The following ZFPM2 variants were observed in gnomAD, a reference collection of about 807,000 sequenced individuals.
The protein encoded by ZFPM2 is zinc finger protein ZFPM2.
In ZFPM2, 20 loss-of-function variants were observed where a neutral mutation model predicts 98.6. The observed-to-expected ratio is 0.20, with a 90% CI of 0.14 to 0.29. The LOEUF is 0.29. Ranked by LOEUF, ZFPM2 falls within the 10% of genes least tolerant of loss-of-function variation. The pLI is 1.00. For synonymous variants in ZFPM2, 518 were observed against 502.7 expected (o/e 1.03, Z -0.41); for missense variants, 1,310 against 1,388.6 (o/e 0.94, Z 0.90).
intron 1 of ZFPM2, among the ~76,000 whole-genome samples, chr8:105,339,261 T>C (rs1387143446): frequency 6.6e-6 from 1 of 151,876 alleles, no homozygotes; most frequent in Non-Finnish European, 1.5e-5. Context: ...TGGCATCTTA[T>C]TCTGTTGTTC....
intron 5 of ZFPM2, among the ~76,000 whole-genome samples, chr8:105,733,351 TA>T (rs1045271989): frequency 5.3e-5 from 8 of 151,756 alleles, no homozygotes; most frequent in African/African-American, 1.7e-4. Context: ...GGCTATCCTT[TA>T]AAAAAAATTA....
At chr8:105,496,527 A>T (rs866839641) in intron 3 of ZFPM2, among the ~76,000 whole-genome samples, 6 of 152,260 alleles carry the variant, frequency 3.9e-5, no homozygotes, top group Middle Eastern at 3.4e-3. Flanking sequence ...TTCCCAGTGC[A>T]TCATGTCAGG....
At chr8:105,466,745 A>C (rs1812802848) in intron 3 of ZFPM2, among the ~76,000 whole-genome samples, 1 of 152,060 alleles carries the variant, frequency 6.6e-6, no homozygotes, top group African/African-American at 2.4e-5. Flanking sequence ...AGTAAATACC[A>C]GGTGAAATGA....
intron 5 of ZFPM2, among the ~76,000 whole-genome samples, chr8:105,758,619 T>C (rs1204949723): frequency 3.9e-5 from 6 of 152,142 alleles, no homozygotes; most frequent in Admixed American, 3.3e-4. Flanking sequence ...AGAAAACTTA[T>C]TGCTTCATTT....
rs200168135 is a variant in ZFPM2, at chr8:105,634,261, G to C, written c.436G>C (p.Val146Leu). Residue 146 changes from valine (V) to leucine (L), a missense_variant, in exon 5 of 8, where the codon GTC becomes CTC. Coordinates refer to ENST00000407775, the MANE Select transcript of ZFPM2 (RefSeq NM_012082.4). ...CTTTCTACAGAAGACAAAGGCTCAG[G>C]TCCCAATGGTGCTGACTGCTGGTCC... ...NNNSLKTKAQVPMVLTAGPKW... is the reference protein window; with the variant it reads ...NNNSLKTKAQLPMVLTAGPKW... 9.0e-5 allele frequency: 145 copies of C among 1,612,450 alleles called. No homozygotes were observed. The African/African-American group carries it at 1.7e-3, about 19-fold the overall frequency.
intron 5 of ZFPM2, among the ~76,000 whole-genome samples, chr8:105,716,161 A>G (rs1441320706): frequency 6.7e-6 from 1 of 150,158 alleles, no homozygotes; most frequent in Non-Finnish European, 1.5e-5. Flanking sequence ...TACATATAAA[A>G]CATTTATATA....
chr8:105,511,581 C>G (rs1313828276), intron 3 of ZFPM2, among the ~76,000 whole-genome samples: 1 of 152,174 alleles, frequency 6.6e-6, no homozygotes, highest in Admixed American at 6.5e-5. Context: ...TAGACACTTT[C>G]TGAACTCATC....
At chr8:105,595,057 TACAG>T (rs1209284332) in intron 4 of ZFPM2, among the ~76,000 whole-genome samples, 3 of 152,138 alleles carry the variant, frequency 2.0e-5, no homozygotes, top group Non-Finnish European at 2.9e-5. Flanking sequence ...TGGGGGAGTT[TACAG>T]ACTCTGTGGG....
At position 105,662,184 on chromosome 8, in the gene ZFPM2, C is replaced by G. The variant is rs375106659; in HGVS notation, c.532+27827C>G. Among the ~76,000 whole-genome samples, 9 of 152,154 alleles carry G rather than the reference C, an allele frequency of 5.9e-5. 1 individual carries two copies. The highest frequency in any genetic ancestry group is 2.2e-4 in the African/African-American group (9 of 41,500). On this transcript the variant is annotated intron_variant, in intron 5 of 7. Transcript: ENST00000407775. ...GGAGGAACTGAGACTGACACATACA[C>G]CCACTGATGCAGGAGGAAGGAATCC...
rs78439913 is a variant in ZFPM2 at position 105,320,237 on chromosome 8, C to T, written c.40+1256C>T. ...GGGCCAGGTTATAAACAGTTATCAA[C>T]AGTTAAGTATTCAGATCTTTGTGTG... is the stretch of plus-strand genomic sequence containing the variant. On this transcript the variant is annotated intron_variant, in intron 1 of 7. Coordinates refer to ENST00000407775, the MANE Select transcript of ZFPM2 (RefSeq NM_012082.4). 2.9e-4 allele frequency among the ~76,000 whole-genome samples: 43 copies of T among 149,152 alleles called. No individual in the cohort carries two copies. In the East Asian group the frequency reaches 7.4e-3, roughly 26 times the overall value.
intron 4 of ZFPM2, chr8:105,616,745 C>T (rs533555454): frequency 5.0e-5 from 16 of 317,170 alleles, no homozygotes; most frequent in South Asian, 3.0e-4. Flanking sequence ...AGTTTGGGTG[C>T]GGTGACTCAT....
At chr8:105,412,325 C>T (rs986493361) in intron 1 of ZFPM2, among the ~76,000 whole-genome samples, 1 of 151,678 alleles carries the variant, frequency 6.6e-6, no homozygotes, top group Non-Finnish European at 1.5e-5. Context: ...TCACAGATCT[C>T]GTTTTTAATA....
chr8:105,647,372 C>T (rs1817068310), intron 5 of ZFPM2, among the ~76,000 whole-genome samples: 1 of 151,900 alleles, frequency 6.6e-6, no homozygotes, highest in African/African-American at 2.4e-5. Flanking sequence ...GCCCCCTTTG[C>T]TCTTTTTTTT....
chr8:105,494,524 A>G (rs1020476158), intron 3 of ZFPM2, among the ~76,000 whole-genome samples: 5 of 151,828 alleles, frequency 3.3e-5, no homozygotes, highest in African/African-American at 1.2e-4. Flanking sequence ...CTTCCTTTCC[A>G]TATGCTCTCT....
chr8:105,650,895 A>G (rs1817157535), intron 5 of ZFPM2, among the ~76,000 whole-genome samples: 1 of 152,238 alleles, frequency 6.6e-6, no homozygotes, highest in Non-Finnish European at 1.5e-5. Flanking sequence ...CGCTTGGTGC[A>G]GAGCTGAGTT....
Position 105,574,781 on chromosome 8 carries a change from T to C in ZFPM2, c.420+13300T>C, listed in dbSNP as rs1815428684. Among the ~76,000 whole-genome samples the C allele has an allele frequency of 2.0e-5, 3 of 150,628 alleles. No homozygotes were observed. The South Asian group carries it at 6.4e-4, about 32-fold the overall frequency. ...GCAGTAAGAGTCCCTCAGGTTCTGA[T>C]CCTAATCTCGGATGCGGCATTACCA... On this transcript the variant is annotated intron_variant, in intron 4 of 7. Transcript: ENST00000407775.
chr8:105,347,250 A>C (rs1358247091), intron 1 of ZFPM2, among the ~76,000 whole-genome samples: 1 of 151,986 alleles, frequency 6.6e-6, no homozygotes, highest in Non-Finnish European at 1.5e-5. Flanking sequence ...TTAAAAATTC[A>C]ATTTACTGAT....
At chr8:105,522,255 A>G (rs1279442430) in intron 3 of ZFPM2, among the ~76,000 whole-genome samples, 2 of 152,208 alleles carry the variant, frequency 1.3e-5, no homozygotes, top group Non-Finnish European at 2.9e-5. Context: ...TATGTTTTGG[A>G]TGATTTTATT....
intron 1 of ZFPM2, among the ~76,000 whole-genome samples, chr8:105,369,241 T>C (rs942305002): frequency 6.6e-6 from 1 of 152,186 alleles, no homozygotes; most frequent in Non-Finnish European, 1.5e-5. Flanking sequence ...GAGGGTCTGT[T>C]TGAAATTGAA....
Sources: gnomAD v4.1 joint callset for allele counts (sites outside exome capture counted in the v4.1 genomes callset) on GRCh38, gnomAD v4.1.1 for gene constraint, MANE v1.5 for transcripts, NCBI Gene and HGNC (gene_info 2026-07-23, HGNC 2026-07-21) for gene names.